Variants in ITFG1 observed in about 807,000 individuals in gnomAD.
ITFG1 encodes the protein integrin alpha FG-GAP repeat containing 1.
In ITFG1, 34 loss-of-function variants were observed where a neutral mutation model predicts 81.8. The observed-to-expected ratio is 0.42, with a 90% CI of 0.32 to 0.55. ITFG1 has a LOEUF of 0.55. Ranked by LOEUF, ITFG1 falls within the 20% of genes least tolerant of loss-of-function variation. The probability of loss-of-function intolerance (pLI) is 0.17; values close to 1 mark genes in which losing one functional copy is unlikely to be tolerated. For missense variants in ITFG1, 672 were observed against 755.4 expected (o/e 0.89, Z 1.29); for synonymous variants, 285 against 270.6 (o/e 1.05, Z -0.52).
intron 11 of ITFG1, among the ~76,000 whole-genome samples, chr16:47,259,660 T>C (rs1966182413): frequency 6.6e-6 from 1 of 152,206 alleles, no homozygotes; most frequent in South Asian, 2.1e-4. Flanking sequence ...TAAAAATAAA[T>C]TATCTTACAA....
At chr16:47,436,070 C>T (rs1374177040) in intron 5 of ITFG1, among the ~76,000 whole-genome samples, 2 of 151,934 alleles carry the variant, frequency 1.3e-5, no homozygotes, top group Non-Finnish European at 2.9e-5. Flanking sequence ...TACATCTTTC[C>T]CTTTTATCCT....
At chr16:47,440,033 A>G (rs926375737) in intron 5 of ITFG1, among the ~76,000 whole-genome samples, 5 of 152,146 alleles carry the variant, frequency 3.3e-5, no homozygotes, top group Non-Finnish European at 7.4e-5. Context: ...AGGGGTTGCA[A>G]TCCTAGTCTC....
chr16:47,364,321 G>A (rs1056316956), intron 8 of ITFG1, among the ~76,000 whole-genome samples: 7 of 152,006 alleles, frequency 4.6e-5, no homozygotes, highest in Non-Finnish European at 7.4e-5. Context: ...ACATGCAAAC[G>A]TTTATGTTTA....
At chr16:47,259,371 C>T (rs1227310169) in intron 11 of ITFG1, among the ~76,000 whole-genome samples, 3 of 152,104 alleles carry the variant, frequency 2.0e-5, no homozygotes, top group East Asian at 1.9e-4. Context: ...AGTTTTAAAA[C>T]AATTTTAAAT....
chr16:47,458,157 G>C (rs986080364), intron 2 of ITFG1, among the ~76,000 whole-genome samples: 3 of 152,208 alleles, frequency 2.0e-5, no homozygotes, highest in Admixed American at 1.3e-4. Context: ...ACAAGGACCT[G>C]ATGATTCCCC....
chr16:47,204,823 T>C (rs1464926906), intron 14 of ITFG1, among the ~76,000 whole-genome samples: 1 of 152,230 alleles, frequency 6.6e-6, no homozygotes, highest in African/African-American at 2.4e-5. Flanking sequence ...TGGGAATATC[T>C]AGAAGACATG....
intron 10 of ITFG1, among the ~76,000 whole-genome samples, chr16:47,288,519 CCT>C (rs1226430774): frequency 6.6e-6 from 1 of 152,102 alleles, no homozygotes; most frequent in Non-Finnish European, 1.5e-5. Context: ...CAACCTCCAC[CCT>C]GTTTTCCGTA....
intron 10 of ITFG1, among the ~76,000 whole-genome samples, chr16:47,266,547 A>G (rs139034959): frequency 3.3e-5 from 5 of 152,350 alleles, no homozygotes; most frequent in African/African-American, 1.2e-4. Context: ...AAAAAGATAG[A>G]TAATAACTAG....
intron 10 of ITFG1, among the ~76,000 whole-genome samples, chr16:47,286,205 A>G (rs1341059939): frequency 6.6e-6 from 1 of 152,220 alleles, no homozygotes; most frequent in Non-Finnish European, 1.5e-5. Flanking sequence ...AATCTATCCC[A>G]CAGGAAGCTC....
intron 10 of ITFG1, among the ~76,000 whole-genome samples, chr16:47,280,908 TCCATGGGGACAAAAAAGG>T (rs1966444908): frequency 6.6e-6 from 1 of 152,120 alleles, no homozygotes; most frequent in East Asian, 1.9e-4. Flanking sequence ...ACACTCTAAC[TCCATGGGGACAAAAAAGG>T]CCATGCTTGT....
chr16:47,300,017 T>A (rs1191972175), intron 10 of ITFG1: 2 of 152,364 alleles, frequency 1.3e-5, no homozygotes, highest in African/African-American at 4.8e-5. Flanking sequence ...GTTCTTTCCC[T>A]GGAGTAGTTC....
At chr16:47,235,188 A>C (rs553875784) in intron 13 of ITFG1, among the ~76,000 whole-genome samples, 132 of 152,322 alleles carry the variant, frequency 8.7e-4, no homozygotes, top group African/African-American at 2.9e-3. Flanking sequence ...GGAGGGAATA[A>C]GAGATAGCTG....
intron 12 of ITFG1, among the ~76,000 whole-genome samples, chr16:47,254,466 C>T (rs1003834236): frequency 5.3e-5 from 8 of 151,984 alleles, no homozygotes; most frequent in African/African-American, 1.5e-4. Flanking sequence ...GATTCCCATC[C>T]GTTCTACCTG....
In ITFG1 at chr16:47,365,845, T is replaced by A. The variant is rs866062559; in HGVS notation, c.745A>T (p.Ile249Leu). 5.6e-6 allele frequency: 9 copies of A among 1,598,496 alleles called. No homozygotes were observed. Among genetic ancestry groups the A allele is most frequent in the Non-Finnish European group, 7.7e-6 (9 of 1,166,596 alleles). Residue 249 changes from isoleucine (I) to leucine (L), a missense_variant, in exon 8 of 18, where the codon ATA (isoleucine) becomes TTA (leucine). This residue lies in a region of ITFG1 where 560 missense variants were observed against 625.7 expected (regional missense o/e 0.90). Transcript: ENST00000320640. The part of the protein sequence containing the change: ...NLDGNFSVST[I>L]LEKPQNMMVV... ...ATCATATTTTGAGGTTTTTCCAATA[T>A]AGTACTGACAGAGAAGTTTCCATCC... is the stretch of plus-strand genomic sequence containing the variant.
chr16:47,322,990 T>C (rs1173057765), intron 8 of ITFG1, among the ~76,000 whole-genome samples: 1 of 152,188 alleles, frequency 6.6e-6, no homozygotes, highest in Non-Finnish European at 1.5e-5. Flanking sequence ...AATATTTTTG[T>C]TATTTAAATT....
chr16:47,415,110 A>G (rs1426239126), intron 6 of ITFG1, among the ~76,000 whole-genome samples: 1 of 152,236 alleles, frequency 6.6e-6, no homozygotes, highest in Non-Finnish European at 1.5e-5. Context: ...AGTTTCAACC[A>G]TAAAAATCTT....
chr16:47,304,859 C>T (rs1303029038), intron 10 of ITFG1, among the ~76,000 whole-genome samples: 4 of 152,008 alleles, frequency 2.6e-5, no homozygotes, highest in African/African-American at 7.3e-5. Flanking sequence ...ACTTTGTGGC[C>T]ACTATTCTTG....
intron 14 of ITFG1, among the ~76,000 whole-genome samples, chr16:47,217,813 T>G (rs1463686829): frequency 6.6e-6 from 1 of 152,080 alleles, no homozygotes; most frequent in Non-Finnish European, 1.5e-5. Context: ...TGGTCCCAGC[T>G]GCTCGGGAGG....
chr16:47,319,433 T>C (rs1216014943), intron 8 of ITFG1, among the ~76,000 whole-genome samples: 2 of 152,220 alleles, frequency 1.3e-5, no homozygotes, highest in African/African-American at 4.8e-5. Flanking sequence ...TGTCAAGTTG[T>C]TCTTTCAAGT....
Sources: allele counts gnomAD v4.1 joint callset (sites outside exome capture counted in the v4.1 genomes callset), GRCh38; gene constraint gnomAD v4.1.1; regional missense constraint gnomAD v4.1.1; transcripts MANE v1.5; gene names NCBI Gene and HGNC (gene_info 2026-07-23, HGNC 2026-07-21).